The following HNRNPC variants were observed in gnomAD, a reference collection of about 807,000 sequenced individuals.
The protein encoded by HNRNPC is heterogeneous nuclear ribonucleoprotein C.
A neutral mutation model predicts 33.2 loss-of-function variants in HNRNPC; 3 were observed. That is an observed-to-expected ratio of 0.09 (90% CI 0.04 to 0.23). HNRNPC has a LOEUF of 0.23. Ranked by LOEUF, HNRNPC falls within the 10% of genes least tolerant of loss-of-function variation. The pLI is 1.00. For synonymous variants in HNRNPC, 121 were observed against 126.7 expected (o/e 0.96, Z 0.30); for missense variants, 143 against 366.7 (o/e 0.39, Z 4.98).
chr14:21,232,463 G>A (rs1038013838), intron 3 of HNRNPC, among the ~76,000 whole-genome samples: 4 of 151,900 alleles, frequency 2.6e-5, no homozygotes, highest in South Asian at 2.1e-4. Flanking sequence ...TCCACCTCCC[G>A]GGTTCAAGCA....
intron 5 of HNRNPC, among the ~76,000 whole-genome samples, chr14:21,220,238 GTT>G (rs72295427): frequency 4.3e-5 from 6 of 139,776 alleles, no homozygotes; most frequent in South Asian, 4.5e-4. Context: ...TCTATTTCTG[GTT>G]TTTTTTTTTT....
intron 3 of HNRNPC, among the ~76,000 whole-genome samples, chr14:21,232,517 C>T (rs1894227699): frequency 6.6e-6 from 1 of 151,886 alleles, no homozygotes; most frequent in African/African-American, 2.4e-5. Flanking sequence ...TTACCGGTAC[C>T]CAGAACCACA....
intron 1 of HNRNPC, chr14:21,265,491 A>G (rs771099215): frequency 6.6e-6 from 1 of 152,174 alleles, no homozygotes; most frequent in Non-Finnish European, 1.5e-5. Flanking sequence ...AAAAAGACCA[A>G]CTTTAGCACC....
chr14:21,243,406 C>A (rs1467690306), intron 2 of HNRNPC, among the ~76,000 whole-genome samples: 1 of 152,092 alleles, frequency 6.6e-6, no homozygotes, highest in Non-Finnish European at 1.5e-5. Context: ...GTGGGGCTTA[C>A]ACAGGAATGG....
At chr14:21,252,063 G>C (rs1896737639) in intron 2 of HNRNPC, among the ~76,000 whole-genome samples, 1 of 152,118 alleles carries the variant, frequency 6.6e-6, no homozygotes, top group Admixed American at 6.5e-5. Context: ...CTAAATTTGA[G>C]AATAGTAAAA....
intron 5 of HNRNPC, among the ~76,000 whole-genome samples, chr14:21,228,724 A>G (rs1001031029): frequency 2.0e-5 from 3 of 152,028 alleles, no homozygotes; most frequent in African/African-American, 7.2e-5. Context: ...CAAAAATTTC[A>G]ACAAAAATAA....
At chr14:21,218,388 A>T (rs1161044959) in intron 5 of HNRNPC, among the ~76,000 whole-genome samples, 5 of 152,142 alleles carry the variant, frequency 3.3e-5, no homozygotes, top group Non-Finnish European at 7.4e-5. Flanking sequence ...TTTATTTTTT[A>T]AAAAACTAAA....
intron 2 of HNRNPC, among the ~76,000 whole-genome samples, chr14:21,251,593 A>G (rs1172754612): frequency 6.6e-6 from 1 of 151,990 alleles, no homozygotes; most frequent in Non-Finnish European, 1.5e-5. Flanking sequence ...GAGGCAGGAG[A>G]ACTGCTTGAA....
At chr14:21,244,687 C>T (rs1895756624) in intron 2 of HNRNPC, among the ~76,000 whole-genome samples, 1 of 152,206 alleles carries the variant, frequency 6.6e-6, no homozygotes, top group African/African-American at 2.4e-5. Context: ...AATTTTGTCA[C>T]TGTGTTAATG....
intron 2 of HNRNPC, among the ~76,000 whole-genome samples, chr14:21,249,293 T>G (rs1358367484): frequency 1.3e-5 from 2 of 151,838 alleles, no homozygotes; most frequent in East Asian, 3.9e-4. Context: ...GAATTGGGGC[T>G]GGGCGCAGTG....
chr14:21,231,841 G>C (rs972023564), intron 3 of HNRNPC, among the ~76,000 whole-genome samples: 2 of 152,054 alleles, frequency 1.3e-5, no homozygotes, highest in South Asian at 2.1e-4. Context: ...TCCAAGAATG[G>C]TTCAGCTCAT....
At chr14:21,259,484 T>C (rs1373458071) in intron 2 of HNRNPC, among the ~76,000 whole-genome samples, 1 of 152,232 alleles carries the variant, frequency 6.6e-6, no homozygotes, top group East Asian at 1.9e-4. Context: ...CATCTTATAC[T>C]TGAATGTTCC....
Position 21,248,158 on chromosome 14 carries a change from G to GT in HNRNPC, c.-36-13930dup, listed in dbSNP as rs1264949889. On this transcript the variant is annotated intron_variant, in intron 2 of 8. Transcript: ENST00000553300. ...TTAAGAGACCAGACTGGCCAACAAC[G>GT]TAAGCAAGACCTTATCTCCACCAAA... Among the ~76,000 whole-genome samples, 4 of 152,166 alleles carry GT rather than the reference G, an allele frequency of 2.6e-5. No homozygotes were observed. In the East Asian group the frequency reaches 7.7e-4, roughly 29 times the overall value.
intron 2 of HNRNPC, among the ~76,000 whole-genome samples, chr14:21,256,996 CAAG>C (rs1388805230): frequency 6.6e-6 from 1 of 152,058 alleles, no homozygotes; most frequent in East Asian, 1.9e-4. Context: ...GAGTAAAAGT[CAAG>C]GATGGCTAGC....
At chr14:21,222,540 C>G (rs1483596534) in intron 5 of HNRNPC, among the ~76,000 whole-genome samples, 1 of 152,104 alleles carries the variant, frequency 6.6e-6, no homozygotes, top group African/African-American at 2.4e-5. Context: ...ATGGTTACTA[C>G]ATTTTGTTTA....
intron 1 of HNRNPC, chr14:21,264,402 C>G (rs899224920): frequency 1.3e-5 from 2 of 152,028 alleles, no homozygotes; most frequent in Admixed American, 6.6e-5. Context: ...ATTCCACTCA[C>G]TGACAAAACG....
At chr14:21,251,908 G>T (rs1896724510) in intron 2 of HNRNPC, among the ~76,000 whole-genome samples, 1 of 151,984 alleles carries the variant, frequency 6.6e-6, no homozygotes, top group Non-Finnish European at 1.5e-5. Context: ...ATTTGTCAGA[G>T]ATTTTAAAAT....
rs374702615 is a variant in HNRNPC, at chr14:21,252,315, TTTG to T, written c.-37+10993_-37+10995del. ...TACTAAATGGACTTGTTGGTCTTTT[TTTG>T]TTGTTGTTTTTGTTTTAAGTCTCAC... On this transcript the variant is annotated intron_variant, in intron 2 of 8. Transcript: ENST00000553300. Among the ~76,000 whole-genome samples the T allele has an allele frequency of 6.6e-5, 10 of 152,212 alleles. No individual in the cohort carries two copies. In the South Asian group the frequency reaches 8.3e-4, roughly 13 times the overall value.
chr14:21,242,311 C>T (rs999851015), intron 2 of HNRNPC, among the ~76,000 whole-genome samples: 1 of 152,120 alleles, frequency 6.6e-6, no homozygotes, highest in Non-Finnish European at 1.5e-5. Context: ...AGTGAAACCC[C>T]ATCTCTACAA....
Sources: gnomAD v4.1 joint callset for allele counts (sites outside exome capture counted in the v4.1 genomes callset) on GRCh38, gnomAD v4.1.1 for gene constraint, MANE v1.5 for transcripts, NCBI Gene and HGNC (gene_info 2026-07-23, HGNC 2026-07-21) for gene names.